The following MDGA2 variants were observed in gnomAD, a reference collection of about 807,000 sequenced individuals.
The protein encoded by MDGA2 is MAM domain containing glycosylphosphatidylinositol anchor 2.
Under a neutral mutation model 117.8 loss-of-function variants are expected in MDGA2, and 40 were observed. The ratio of observed to expected loss-of-function variants is 0.34; its 90% CI spans 0.26 to 0.44. MDGA2 has a LOEUF of 0.44. Among genes scored for constraint, MDGA2 ranks in the 20% least tolerant of loss-of-function variants. The pLI is 1.00. For synonymous variants in MDGA2, 452 were observed against 439.0 expected, an observed-to-expected ratio of 1.03 and a Z score of -0.37; for missense variants, 1,123 against 1,250.6, an observed-to-expected ratio of 0.90 and a Z score of 1.54.
chr14:47,600,588 T>C (rs1896629651), intron 1 of MDGA2, among the ~76,000 whole-genome samples: 1 of 152,122 alleles, frequency 6.6e-6, no homozygotes, highest in Admixed American at 6.6e-5. Flanking sequence ...TCTTGATTTA[T>C]TGGAGTTCTA....
At chr14:47,418,490 T>C (rs1287359633) in intron 1 of MDGA2, among the ~76,000 whole-genome samples, 3 of 152,234 alleles carry the variant, frequency 2.0e-5, no homozygotes, top group Non-Finnish European at 4.4e-5. Context: ...TGATGGCTTC[T>C]TACTATGTCC....
At chr14:47,481,189 C>A (rs1196712352) in intron 1 of MDGA2, among the ~76,000 whole-genome samples, 1 of 151,830 alleles carries the variant, frequency 6.6e-6, no homozygotes, top group Admixed American at 6.6e-5. Flanking sequence ...CTCCATTTTC[C>A]ACATATAAAG....
intron 1 of MDGA2, among the ~76,000 whole-genome samples, chr14:47,422,466 A>T (rs1892599474): frequency 1.3e-5 from 2 of 152,180 alleles, no homozygotes; most frequent in Non-Finnish European, 2.9e-5. Context: ...AGAATGAGAG[A>T]ACTGCCAGGA....
intron 6 of MDGA2, among the ~76,000 whole-genome samples, chr14:47,082,335 A>G (rs536050964): frequency 1.1e-4 from 13 of 116,096 alleles, no homozygotes; most frequent in African/African-American, 5.3e-4. Flanking sequence ...AGGGAAGGAA[A>G]AAAAAAAAAA....
At chr14:47,221,895 T>C (rs573341604) in intron 2 of MDGA2, among the ~76,000 whole-genome samples, 26 of 152,172 alleles carry the variant, frequency 1.7e-4, no homozygotes, top group Non-Finnish European at 3.1e-4. Context: ...TAAGTTTACA[T>C]TGTGGAATGA....
intron 1 of MDGA2, among the ~76,000 whole-genome samples, chr14:47,533,430 A>G (rs904829776): frequency 6.6e-6 from 1 of 152,204 alleles, no homozygotes; most frequent in African/African-American, 2.4e-5. Context: ...TGATTGATCA[A>G]CAAGTAAAAT....
intron 2 of MDGA2, among the ~76,000 whole-genome samples, chr14:47,265,463 T>C (rs925880567): frequency 2.6e-5 from 4 of 152,044 alleles, no homozygotes; most frequent in Non-Finnish European, 5.9e-5. Flanking sequence ...ATTTTAAATA[T>C]CCATATAAAA....
chr14:47,464,993 C>A (rs1289324953), intron 1 of MDGA2, among the ~76,000 whole-genome samples: 1 of 152,012 alleles, frequency 6.6e-6, no homozygotes, highest in Non-Finnish European at 1.5e-5. Context: ...GATACTGGTA[C>A]AAAAACAGGC....
intron 8 of MDGA2, among the ~76,000 whole-genome samples, chr14:46,974,946 T>G (rs1205339768): frequency 6.6e-6 from 1 of 151,894 alleles, no homozygotes; most frequent in Admixed American, 6.6e-5. Context: ...TATTTGCAAC[T>G]CAGATTTATG....
At chr14:47,042,276 T>C (rs1433298830) in intron 7 of MDGA2, among the ~76,000 whole-genome samples, 2 of 151,426 alleles carry the variant, frequency 1.3e-5, no homozygotes, top group African/African-American at 4.9e-5. Context: ...AGTAGTAAAT[T>C]TGTAGATGCA....
chr14:47,200,621 A>G (rs559134072), intron 3 of MDGA2: 1,021 of 1,286,618 alleles, frequency 7.9e-4, no homozygotes, highest in Non-Finnish European at 1.0e-3. Context: ...ATATTTGTCA[A>G]TTTTCTTCTC....
At chr14:47,421,279 C>T (rs1224022505) in intron 1 of MDGA2, among the ~76,000 whole-genome samples, 1 of 152,078 alleles carries the variant, frequency 6.6e-6, no homozygotes, top group Non-Finnish European at 1.5e-5. Flanking sequence ...TTTCATGAGG[C>T]ATTTAATTTA....
chr14:47,330,758 G>A (rs1890271067), intron 1 of MDGA2, among the ~76,000 whole-genome samples: 1 of 151,656 alleles, frequency 6.6e-6, no homozygotes, highest in African/African-American at 2.4e-5. Flanking sequence ...AAAAACCTAA[G>A]CAAATGATTT....
At chr14:47,073,190 T>G (rs1156719473) in intron 6 of MDGA2, among the ~76,000 whole-genome samples, 4 of 152,166 alleles carry the variant, frequency 2.6e-5, no homozygotes, top group African/African-American at 9.7e-5. Context: ...TGAGGGAATA[T>G]CTAAATACCT....
At chr14:47,164,624 A>G (rs1883786323) in intron 3 of MDGA2, among the ~76,000 whole-genome samples, 1 of 152,212 alleles carries the variant, frequency 6.6e-6, no homozygotes, top group South Asian at 2.1e-4. Flanking sequence ...GAGGATGTGG[A>G]GAAATAGGAC....
intron 1 of MDGA2, among the ~76,000 whole-genome samples, chr14:47,354,055 A>G (rs1357376960): frequency 6.6e-6 from 1 of 152,200 alleles, no homozygotes; most frequent in Admixed American, 6.5e-5. Flanking sequence ...GACAAAAACT[A>G]TATGATCATC....
chr14:47,530,012 T>C (rs765263985), intron 1 of MDGA2, among the ~76,000 whole-genome samples: 2 of 152,094 alleles, frequency 1.3e-5, no homozygotes, highest in Non-Finnish European at 2.9e-5. Context: ...CAATGCCAGG[T>C]TGGGCTGCCA....
intron 2 of MDGA2, among the ~76,000 whole-genome samples, chr14:47,290,033 A>G (rs1220892439): frequency 6.6e-6 from 1 of 152,196 alleles, no homozygotes; most frequent in Non-Finnish European, 1.5e-5. Flanking sequence ...TTCCTTGTGC[A>G]TGAACTTGCA....
intron 1 of MDGA2, among the ~76,000 whole-genome samples, chr14:47,303,790 A>G (rs1460543898): frequency 1.3e-5 from 2 of 152,104 alleles, no homozygotes; most frequent in African/African-American, 4.8e-5. Flanking sequence ...TTATATAGTG[A>G]CATGACATCC....
Sources: gnomAD v4.1 joint callset for allele counts (sites outside exome capture counted in the v4.1 genomes callset) on GRCh38, gnomAD v4.1.1 for gene constraint, MANE v1.5 for transcripts, NCBI Gene and HGNC (gene_info 2026-07-23, HGNC 2026-07-21) for gene names.